The following STARD13 variants were observed in gnomAD, a reference collection of about 807,000 sequenced individuals.
The protein encoded by STARD13 is StAR related lipid transfer domain containing 13, also known as stAR-related lipid transfer protein 13.
In STARD13, 62 loss-of-function variants were observed where a neutral mutation model predicts 106.4. That is an observed-to-expected ratio of 0.58 (90% CI 0.48 to 0.72). The LOEUF (loss-of-function observed/expected upper bound fraction) is 0.72, where lower values mean the gene tolerates loss of function less well. STARD13 is among the 30% of genes least tolerant of loss of function. STARD13 has a pLI of 0.00. For missense variants in STARD13, 1,387 were observed against 1,424.0 expected (o/e 0.97, Z 0.42); for synonymous variants, 565 against 553.0 (o/e 1.02, Z -0.31).
chr13:33,528,241 T>C, the STARD13 span, among the ~76,000 whole-genome samples: 66 of 130,512 alleles, frequency 5.1e-4, 1 homozygote, highest in Middle Eastern at 3.7e-3. Context: ...TATATATATA[T>C]ACATATATAT....
chr13:33,196,854 A>T (rs1193245921), intron 1 of STARD13, among the ~76,000 whole-genome samples: 1 of 152,224 alleles, frequency 6.6e-6, no homozygotes, highest in Non-Finnish European at 1.5e-5. Context: ...TTAGACCAGA[A>T]AAGAAGCCAA....
At chr13:33,618,579 A>G in the STARD13 span, among the ~76,000 whole-genome samples, 3 of 152,038 alleles carry the variant, frequency 2.0e-5, no homozygotes, top group South Asian at 4.2e-4. Flanking sequence ...TTGAGGATAC[A>G]AATTAAATAA....
chr13:33,425,945 A>C, the STARD13 span, among the ~76,000 whole-genome samples: 1 of 152,230 alleles, frequency 6.6e-6, no homozygotes. Context: ...CTGTGTCCAA[A>C]TATATATATT....
In STARD13 at chr13:33,103,238, T is replaced by C. The variant is rs1039691420; in HGVS notation, c.*2355A>G. 6.5e-6 allele frequency: 1 copy of C among 152,686 alleles called. No homozygotes were observed. The highest frequency in any genetic ancestry group is 2.4e-5 in the African/African-American group (1 of 41,482). The allele number at this position is 152,686 out of a possible 1,614,324, so 9.5% of individuals were successfully genotyped here. A position where few individuals can be genotyped will look rare whatever the true frequency, so the allele number is the denominator to read the frequency against. ...GATATCAACAATTGAGGTAAAAATA[T>C]ACATGAGGTATAAATATAATATTTA... is the stretch of plus-strand genomic sequence containing the variant. On this transcript the variant is annotated 3_prime_UTR_variant, in exon 14 of 14. Coordinates refer to ENST00000336934, the MANE Select transcript of STARD13 (RefSeq NM_178006.4).
intron 1 of STARD13, among the ~76,000 whole-genome samples, chr13:33,324,905 T>C (rs2077756230): frequency 6.6e-6 from 1 of 152,172 alleles, no homozygotes; most frequent in African/African-American, 2.4e-5. Context: ...TTTCTGAAAA[T>C]GGGTGCTGCT....
chr13:33,426,535 T>G, the STARD13 span, among the ~76,000 whole-genome samples: 1 of 152,336 alleles, frequency 6.6e-6, no homozygotes, highest in African/African-American at 2.4e-5. Context: ...CTTACTTTTT[T>G]TAAATCCAAA....
chr13:33,668,501 T>C, the STARD13 span, among the ~76,000 whole-genome samples: 1 of 152,284 alleles, frequency 6.6e-6, no homozygotes, highest in Admixed American at 6.5e-5. Context: ...AGTATTCACT[T>C]AAAATTCCAA....
intron 3 of STARD13, among the ~76,000 whole-genome samples, chr13:33,157,374 A>G (rs1740894009): frequency 6.6e-6 from 1 of 152,224 alleles, no homozygotes; most frequent in Non-Finnish European, 1.5e-5. Flanking sequence ...ATTAAATTGG[A>G]AATTCAGAGA....
chr13:33,258,538 A>T (rs1256336634), intron 1 of STARD13, among the ~76,000 whole-genome samples: 2 of 152,196 alleles, frequency 1.3e-5, no homozygotes, highest in Non-Finnish European at 2.9e-5. Context: ...TCTAGCTGGA[A>T]GGCACGCAGA....
At chr13:33,621,722 A>G in the STARD13 span, among the ~76,000 whole-genome samples, 3 of 150,958 alleles carry the variant, frequency 2.0e-5, no homozygotes, top group African/African-American at 7.3e-5. Flanking sequence ...TGAGAAGCTT[A>G]TATATATTAA....
At chr13:33,496,321 T>C in the STARD13 span, among the ~76,000 whole-genome samples, 8 of 150,828 alleles carry the variant, frequency 5.3e-5, no homozygotes, top group African/African-American at 1.7e-4. Flanking sequence ...AAACTCAGTT[T>C]ATTTTATTAA....
chr13:33,460,155 CT>C, the STARD13 span, among the ~76,000 whole-genome samples: 1 of 151,558 alleles, frequency 6.6e-6, no homozygotes, highest in African/African-American at 2.4e-5. Context: ...TTCTTTATTC[CT>C]TTGAGGATTC....
At chr13:33,541,448 C>T in the STARD13 span, among the ~76,000 whole-genome samples, 33,240 of 151,936 alleles carry the variant, frequency 0.22, 3,969 homozygotes, top group East Asian at 0.42. Flanking sequence ...TTGCAATATC[C>T]CCCTAACTTC....
the STARD13 span, among the ~76,000 whole-genome samples, chr13:33,418,997 A>C: frequency 6.6e-6 from 1 of 152,212 alleles, no homozygotes; most frequent in African/African-American, 2.4e-5. Flanking sequence ...ATAAAACCAC[A>C]AAGATGGGGA....
At chr13:33,181,852 A>T (rs924442185) in intron 1 of STARD13, among the ~76,000 whole-genome samples, 1 of 152,142 alleles carries the variant, frequency 6.6e-6, no homozygotes, top group Non-Finnish European at 1.5e-5. Flanking sequence ...AATCTTTAGG[A>T]GTTCCAAGTG....
At chr13:33,154,248 G>A (rs1015619192) in intron 3 of STARD13, among the ~76,000 whole-genome samples, 3 of 152,146 alleles carry the variant, frequency 2.0e-5, no homozygotes, top group African/African-American at 7.2e-5. Flanking sequence ...GTGCCACTAC[G>A]CAGCCAGGGA....
chr13:33,369,461 A>G, the STARD13 span, among the ~76,000 whole-genome samples: 1 of 152,198 alleles, frequency 6.6e-6, no homozygotes, highest in Non-Finnish European at 1.5e-5. Flanking sequence ...AATAATGCCC[A>G]CTTCAAAAAA....
chr13:33,289,195 C>G (rs1389786108), upstream of STARD13, among the ~76,000 whole-genome samples: 1 of 152,178 alleles, frequency 6.6e-6, no homozygotes, highest in African/African-American at 2.4e-5. Context: ...ATGAGGAAAA[C>G]AGATGGCACT....
At chr13:33,134,965 C>T (rs576303612) in intron 4 of STARD13, among the ~76,000 whole-genome samples, 212 of 152,320 alleles carry the variant, frequency 1.4e-3, no homozygotes, top group African/African-American at 4.8e-3. Flanking sequence ...AAGACACCAA[C>T]CTTAGGATGC....
Sources: gnomAD v4.1 joint callset for allele counts (sites outside exome capture counted in the v4.1 genomes callset) on GRCh38, gnomAD v4.1.1 for gene constraint, MANE v1.5 for transcripts, NCBI Gene and HGNC (gene_info 2026-07-23, HGNC 2026-07-21) for gene names.